NUDT12: variants seen among roughly 807,000 people sequenced by gnomAD.
The protein encoded by NUDT12 is NAD-capped RNA hydrolase NUDT12.
A neutral mutation model predicts 45.7 loss-of-function variants in NUDT12; 42 were observed. The ratio of observed to expected loss-of-function variants is 0.92; its 90% CI spans 0.72 to 1.19. The LOEUF is 1.19. NUDT12 is among the 50% of genes most tolerant of loss of function. The pLI is 0.00. For synonymous variants in NUDT12, 206 were observed against 179.7 expected (o/e 1.15, Z -1.17); for missense variants, 590 against 533.1 (o/e 1.11, Z -1.05).
chr5:103,558,445 G>A lies in NUDT12; in HGVS notation c.796+434C>T, dbSNP rs1748904434. Among the ~76,000 whole-genome samples, 3 of 152,088 alleles carry A rather than the reference G, an allele frequency of 2.0e-5. No homozygotes were observed. In the South Asian group the frequency reaches 6.2e-4, roughly 31 times the overall value. On this transcript the variant is annotated intron_variant, in intron 3 of 6. Transcript: ENST00000230792. ...TGTACAATTTATGCTCTATGATGCA[G>A]CCAGTGTGCAGTGTCTTTTTTAAAA... is the stretch of plus-strand genomic sequence containing the variant.
chr5:103,556,495 C>G (rs1748826934), intron 3 of NUDT12, among the ~76,000 whole-genome samples: 1 of 151,948 alleles, frequency 6.6e-6, no homozygotes. Flanking sequence ...GAGATTTGTA[C>G]TCTAAAGGAA....
At chr5:103,559,865 A>G in intron 2 of NUDT12, 178 bp downstream of exon 2, 1 of 561,134 alleles carries the variant, frequency 1.8e-6, no homozygotes, top group South Asian at 2.6e-5. Flanking sequence ...TTTCTCAATG[A>G]AAAAGGTTAC....
In NUDT12 at chr5:103,558,871, T is replaced by C; in HGVS notation, c.796+8A>G. On this transcript the variant is annotated splice_region_variant and intron_variant, in intron 3 of 6. Coordinates refer to ENST00000230792, the MANE Select transcript of NUDT12 (RefSeq NM_031438.4). ...TTTTACCAATGAAAAGCAGCATTCA[T>C]TTCTTACCAGCTTCTTTTTCTTTCA... 1 of 1,540,934 alleles carries C rather than the reference T, an allele frequency of 6.5e-7. No homozygotes were observed. The highest frequency in any genetic ancestry group is 8.7e-7 in the Non-Finnish European group (1 of 1,146,300).
At chr5:103,560,920 C>T (rs1360989659) in intron 1 of NUDT12, among the ~76,000 whole-genome samples, 1 of 151,996 alleles carries the variant, frequency 6.6e-6, no homozygotes, top group Non-Finnish European at 1.5e-5. Context: ...ATCAGAGCAG[C>T]TTTTAAAACT....
At chr5:103,551,059 G>A in intron 6 of NUDT12, 88 bp from the exon 7 acceptor site, 2 of 917,886 alleles carry the variant, frequency 2.2e-6, no homozygotes, top group South Asian at 2.9e-5. Flanking sequence ...CAATTAAAAT[G>A]TGATGAGTTT....
intron 1 of NUDT12, among the ~76,000 whole-genome samples, chr5:103,561,688 G>C (rs953357582): frequency 2.6e-5 from 4 of 152,114 alleles, no homozygotes; most frequent in African/African-American, 9.7e-5. Context: ...CTTCCAAATT[G>C]TCTTTCTCTT....
rs1182248041 is a variant in NUDT12 at position 103,560,032 on chromosome 5, A to G, written c.206+11T>C. Reference sequence around the variant, plus strand: ...CAAACCCTTTCAGGTGGTACAGCCTAAAATGTTTACCCTTTCTCAAGCAGA... The same window carrying G: ...CAAACCCTTTCAGGTGGTACAGCCTGAAATGTTTACCCTTTCTCAAGCAGA... On this transcript the variant is annotated intron_variant, in intron 2 of 6. Coordinates refer to ENST00000230792, the MANE Select transcript of NUDT12 (RefSeq NM_031438.4). The G allele has an allele frequency of 3.8e-6, 6 of 1,594,308 alleles. No homozygotes were observed. Among genetic ancestry groups the G allele is most frequent in the Admixed American group, 1.7e-5 (1 of 59,956 alleles).
Position 103,558,935 on chromosome 5 carries a change from C to T in NUDT12, c.740G>A (p.Cys247Tyr). 1 of 1,609,190 alleles carries T rather than the reference C, an allele frequency of 6.2e-7. No homozygotes were observed. Among genetic ancestry groups the T allele is most frequent in the Non-Finnish European group, 8.5e-7 (1 of 1,178,142 alleles). ...AEEFKQRHEN[C>Y]YFLHPPMPAL... is the part of the protein sequence containing the mutation. ...TGGCATAGGAGGATGAAGAAAGTAA[C>T]AATTTTCATGTCTTTGCTTGAATTC... is the stretch of plus-strand genomic sequence containing the variant. Residue 247 changes from cysteine (C) to tyrosine (Y), a missense_variant, in exon 3 of 7, where the codon TGT becomes TAT. Transcript: ENST00000230792.
rs10900868 is a variant in NUDT12, at chr5:103,550,545, G to C, written c.*316C>G. 74,818 of 190,218 alleles carry C rather than the reference G, an allele frequency of 0.39. 15,293 individuals are homozygous for C. The highest frequency in any genetic ancestry group is 0.56 in the Middle Eastern group (238 of 426). The allele number at this position is 190,218 out of a possible 1,614,324, so 11.8% of individuals were successfully genotyped here. A position where few individuals can be genotyped will look rare whatever the true frequency, so the allele number is the denominator to read the frequency against. On this transcript the variant is annotated 3_prime_UTR_variant, in exon 7 of 7. Coordinates refer to ENST00000230792, the MANE Select transcript of NUDT12 (RefSeq NM_031438.4). ...GCACTGAAATTTATGCACATTTCTAGAACATCTTTCCAACATGATGTCTCT... is the reference window on the plus strand; with the variant it reads ...GCACTGAAATTTATGCACATTTCTACAACATCTTTCCAACATGATGTCTCT...
intron 5 of NUDT12, among the ~76,000 whole-genome samples, chr5:103,553,361 C>G (rs1399974691): frequency 1.3e-5 from 2 of 151,842 alleles, no homozygotes; most frequent in African/African-American, 4.8e-5. Context: ...GAAAAGAAAA[C>G]TGAATGCCTA....
At chr5:103,554,349 G>A (rs1456659966) in intron 5 of NUDT12, among the ~76,000 whole-genome samples, 1 of 151,986 alleles carries the variant, frequency 6.6e-6, no homozygotes, top group Non-Finnish European at 1.5e-5. Context: ...AAATCAGGAA[G>A]GATGATAGGG....
At chr5:103,561,955 A>G (rs1008781337) in intron 1 of NUDT12, among the ~76,000 whole-genome samples, 26 of 152,226 alleles carry the variant, frequency 1.7e-4, no homozygotes, top group African/African-American at 5.8e-4. Context: ...CAGAAAAGCC[A>G]TCTAGAAATA....
At chr5:103,555,665 AAGT>A (rs1748790967) in intron 4 of NUDT12, among the ~76,000 whole-genome samples, 1 of 152,008 alleles carries the variant, frequency 6.6e-6, no homozygotes, top group Non-Finnish European at 1.5e-5. Flanking sequence ...TTTCTCCACT[AAGT>A]AGAGCCAAAT....
intron 4 of NUDT12, among the ~76,000 whole-genome samples, chr5:103,555,140 A>T (rs1000040794): frequency 5.9e-5 from 9 of 152,014 alleles, no homozygotes; most frequent in African/African-American, 2.2e-4. Flanking sequence ...TAGGTGTATT[A>T]TTACTTTTTA....
chr5:103,555,806 A>G, intron 4 of NUDT12, 125 bp downstream of exon 4: 1 of 583,006 alleles, frequency 1.7e-6, no homozygotes, highest in Middle Eastern at 4.6e-4. Context: ...ACTTTAACAC[A>G]TTCTTAATGG....
At chr5:103,562,036 A>G (rs1241667751) in intron 1 of NUDT12, among the ~76,000 whole-genome samples, 1 of 152,212 alleles carries the variant, frequency 6.6e-6, no homozygotes, top group Non-Finnish European at 1.5e-5. Flanking sequence ...TACTTTTTCA[A>G]TTCTCATTGA....
intron 5 of NUDT12, among the ~76,000 whole-genome samples, chr5:103,554,034 A>G (rs993916794): frequency 1.1e-4 from 17 of 151,998 alleles, no homozygotes; most frequent in African/African-American, 4.1e-4. Context: ...ATATGATATG[A>G]TCCTCCTCCA....
chr5:103,559,185 C>T lies in NUDT12; in HGVS notation c.490G>A (p.Gly164Ser). The T allele has an allele frequency of 1.9e-6, 3 of 1,558,850 alleles. No individual in the cohort carries two copies. The highest frequency in any genetic ancestry group is 2.6e-6 in the Non-Finnish European group (3 of 1,156,308). The change falls in exon 3 of 7, where the codon GGC becomes AGC. Residue 164 changes from glycine to serine, a missense_variant. Gly to Ser is a moderately conservative substitution (Grantham distance 56). Transcript: ENST00000230792. ...SDLNPLVTLG[G>S]NKESFQQPEV... Reference sequence around the variant, plus strand: ...GGCTGTTGGAAACTTTCTTTATTGCCACCTAGAGTAACCAAGGGATTTAAA... The same window carrying T: ...GGCTGTTGGAAACTTTCTTTATTGCTACCTAGAGTAACCAAGGGATTTAAA...
chr5:103,557,858 G>A (rs1237649211), intron 3 of NUDT12, among the ~76,000 whole-genome samples: 3 of 151,540 alleles, frequency 2.0e-5, no homozygotes, highest in Admixed American at 6.6e-5. Flanking sequence ...TAGTTTTTTG[G>A]GATTTAAGTA....
Sources: gnomAD v4.1 joint callset for allele counts (sites outside exome capture counted in the v4.1 genomes callset) on GRCh38, gnomAD v4.1.1 for gene constraint, MANE v1.5 for transcripts, NCBI Gene and HGNC (gene_info 2026-07-23, HGNC 2026-07-21) for gene names.